The following SESN2 variants were observed in gnomAD, a reference collection of about 807,000 sequenced individuals.
SESN2 encodes the protein sestrin 2.
A neutral mutation model predicts 56.0 loss-of-function variants in SESN2; 42 were observed. That is an observed-to-expected ratio of 0.75 (90% CI 0.59 to 0.97). The LOEUF is 0.97. Among genes scored for constraint, SESN2 ranks in the 50% least tolerant of loss-of-function variants. SESN2 has a pLI of 0.00. For synonymous variants in SESN2, 264 were observed against 267.1 expected, an observed-to-expected ratio of 0.99 and a Z score of 0.11; for missense variants, 507 against 649.4, an observed-to-expected ratio of 0.78 and a Z score of 2.38.
chr1:28,270,576 CTTT>C (rs1050379080), intron 2 of SESN2, among the ~76,000 whole-genome samples: 1 of 145,516 alleles, frequency 6.9e-6, no homozygotes, highest in African/African-American at 2.5e-5. Context: ...AAGTGACCAC[CTTT>C]TTTTTTTTTG....
At position 28,273,362 on chromosome 1, in the gene SESN2, T is replaced by TTA. The variant is rs774976973; in HGVS notation, c.756_757insAT (p.Glu253MetfsTer10). 1 of 1,592,074 alleles carries TTA rather than the reference T, an allele frequency of 6.3e-7. No homozygotes were observed. Among genetic ancestry groups the TTA allele is most frequent in the South Asian group, 1.1e-5 (1 of 88,382 alleles). ...ACCACGGGGCCTCTCCTGCAGGGCT[T>TTA]TGAGTCTGCCCGCGACGTGGAGGCG... On this transcript the variant is annotated frameshift_variant, in exon 6 of 10. Transcript: ENST00000253063. LOFTEE classifies it high-confidence loss of function.
At chr1:28,264,318 CAAAGAAAA>C (rs1010159615) in intron 1 of SESN2, among the ~76,000 whole-genome samples, 2 of 150,314 alleles carry the variant, frequency 1.3e-5, no homozygotes, top group African/African-American at 4.9e-5. Context: ...GACTCCATCT[CAAAGAAAA>C]AAAGAAAAAA....
intron 8 of SESN2, among the ~76,000 whole-genome samples, chr1:28,277,510 C>G (rs999086895): frequency 6.6e-6 from 1 of 152,212 alleles, no homozygotes; most frequent in Non-Finnish European, 1.5e-5. Context: ...GCCACCACAC[C>G]TGGCACCTTT....
At chr1:28,276,570 CTTTTTTTTT>C (rs57474365) in intron 8 of SESN2, among the ~76,000 whole-genome samples, 4 of 94,734 alleles carry the variant, frequency 4.2e-5, no homozygotes, top group East Asian at 3.9e-4. Flanking sequence ...TTTTTCTTTC[CTTTTTTTTT>C]TTTTTTTTTT....
intron 1 of SESN2, among the ~76,000 whole-genome samples, chr1:28,268,222 G>C (rs1647627190): frequency 6.6e-6 from 1 of 152,128 alleles, no homozygotes; most frequent in African/African-American, 2.4e-5. Context: ...AGACAAGAGG[G>C]GGTGGTAGTT....
rs1222128095 is a variant in SESN2 at position 28,274,101 on chromosome 1, C to T, written c.963C>T (p.Phe321=). The T allele has an allele frequency of 2.5e-5, 40 of 1,614,020 alleles. No individual in the cohort carries two copies. The Admixed American group carries it at 6.7e-4, about 27-fold the overall frequency. The part of the protein sequence containing the change: ...DMLCFVEDPT[F]GYEDFTRRGA... ...TGTGCTTTGTGGAAGACCCTACTTT[C>T]GGATATGAGGACTTCACTCGGAGAG... The change falls in exon 7 of 10, where the codon TTC becomes TTT. Residue 321 remains phenylalanine (F), a synonymous_variant. Coordinates refer to ENST00000253063, the MANE Select transcript of SESN2 (RefSeq NM_031459.5).
rs1647869790 is a variant in SESN2, at chr1:28,273,495, G to A, written c.888G>A (p.Leu296=). 1.9e-6 allele frequency: 3 copies of A among 1,607,024 alleles called. No individual in the cohort carries two copies. Among genetic ancestry groups the A allele is most frequent in the African/African-American group, 1.3e-5 (1 of 74,766 alleles). ...AGCTGGAGAAGTCAGAGAGCCTGCT[G>A]GTGACCCCCTCAGGTACAGGGTCAC... ...RFELEKSESL[L]VTPSADILEP... The change falls in exon 6 of 10, where the codon CTG becomes CTA. Residue 296 remains leucine, a synonymous_variant. Transcript: ENST00000253063.
intron 8 of SESN2, among the ~76,000 whole-genome samples, chr1:28,278,255 G>C (rs1648117791): frequency 6.6e-6 from 1 of 152,094 alleles, no homozygotes; most frequent in Non-Finnish European, 1.5e-5. Context: ...TGGCCCCTGA[G>C]CTAGGCAGAG....
intron 1 of SESN2, among the ~76,000 whole-genome samples, chr1:28,261,883 C>A (rs1647385644): frequency 6.6e-6 from 1 of 150,812 alleles, no homozygotes; most frequent in East Asian, 1.9e-4. Flanking sequence ...CAGGTTCAAG[C>A]AATTCTCCTG....
chr1:28,274,521 C>T (rs1647950254), intron 7 of SESN2, among the ~76,000 whole-genome samples: 1 of 150,730 alleles, frequency 6.6e-6, no homozygotes, highest in African/African-American at 2.5e-5. Context: ...ACAGCAAGAT[C>T]CTGTCTCAAA....
At chr1:28,260,029 G>A (rs1261926677) in intron 1 of SESN2, 92 bp downstream of exon 1, 2 of 959,052 alleles carry the variant, frequency 2.1e-6, no homozygotes, top group Non-Finnish European at 2.9e-6. Context: ...TGTGTCCTGG[G>A]CTCGGGGAGG....
At position 28,272,583 on chromosome 1, in the gene SESN2, C is replaced by G; in HGVS notation, c.540C>G (p.Ala180=). 1 of 1,614,058 alleles carries G rather than the reference C, an allele frequency of 6.2e-7. No individual in the cohort carries two copies. Among genetic ancestry groups the G allele is most frequent in the Non-Finnish European group, 8.5e-7 (1 of 1,179,954 alleles). ...ACCTCCCCCCTTGTCCCTTCCAGGC[C>G]TTGCTGAAGACCGGCGAGCACACTT... ...PWLITKEHIQ[A]LLKTGEHTWS... The change falls in exon 5 of 10, where the codon GCC becomes GCG. Residue 180 remains alanine, a splice_region_variant and synonymous_variant. Transcript: ENST00000253063.
rs1164121070 is a variant in SESN2 at position 28,272,572 on chromosome 1, C to T, written c.538-9C>T. On this transcript the variant is annotated splice_polypyrimidine_tract_variant and intron_variant, in intron 4 of 9. Coordinates refer to ENST00000253063, the MANE Select transcript of SESN2 (RefSeq NM_031459.5). ...GAGCAGCTCTGACCTCCCCCCTTGT[C>T]CCTTCCAGGCCTTGCTGAAGACCGG... 9 of 1,613,694 alleles carry T rather than the reference C, an allele frequency of 5.6e-6. No individual in the cohort carries two copies. The highest frequency in any genetic ancestry group is 7.6e-6 in the Non-Finnish European group (9 of 1,179,752).
At chr1:28,277,820 C>T (rs1386729005) in intron 8 of SESN2, among the ~76,000 whole-genome samples, 1 of 152,174 alleles carries the variant, frequency 6.6e-6, no homozygotes. Context: ...ATGAACCATC[C>T]TCTTACTCTA....
chr1:28,267,290 C>A (rs1274093416), intron 1 of SESN2, among the ~76,000 whole-genome samples: 2 of 152,192 alleles, frequency 1.3e-5, no homozygotes, highest in Non-Finnish European at 2.9e-5. Context: ...GCACGGTCAG[C>A]TCAACTCCCT....
In SESN2 at chr1:28,278,598, G is replaced by A. The variant is rs547366736; in HGVS notation, c.1212-499G>A. On this transcript the variant is annotated intron_variant, in intron 8 of 9. Transcript: ENST00000253063. ...AAAACAAAAACATACTGAAATTAAT[G>A]TAAAAAAATGTGAGCTAAGCTTTCT... 6.8e-4 allele frequency among the ~76,000 whole-genome samples: 104 copies of A among 152,234 alleles called. 1 individual carries two copies. Among genetic ancestry groups the A allele is most frequent in the Admixed American group, 2.7e-3 (41 of 15,272 alleles).
chr1:28,275,991 A>G (rs534469053), intron 8 of SESN2, among the ~76,000 whole-genome samples: 1 of 152,004 alleles, frequency 6.6e-6, no homozygotes, highest in Non-Finnish European at 1.5e-5. Context: ...ATGAAAAATA[A>G]CAAAAATTAG....
intron 2 of SESN2, among the ~76,000 whole-genome samples, chr1:28,270,986 A>C (rs544833334): frequency 7.7e-4 from 118 of 152,316 alleles, no homozygotes; most frequent in Admixed American, 7.0e-3. Flanking sequence ...GTTCGAGACC[A>C]GCCTGGACAA....
In SESN2 at chr1:28,273,966, T is replaced by C. The variant is rs946670255; in HGVS notation, c.902-74T>C. ...TCTATTCTGCCTTCCCCTCCCCCTT[T>C]TGGTGATTAATCAGGAATGGACCCC... On this transcript the variant is annotated intron_variant, in intron 6 of 9. Coordinates refer to ENST00000253063, the MANE Select transcript of SESN2 (RefSeq NM_031459.5). 8.1e-6 allele frequency: 8 copies of C among 984,054 alleles called. No homozygotes were observed. In the African/African-American group the frequency reaches 1.3e-4, roughly 16 times the overall value. The allele number at this position is 984,054 out of a possible 1,614,324, so 61.0% of individuals were successfully genotyped here.
Sources: gnomAD v4.1 joint callset for allele counts (sites outside exome capture counted in the v4.1 genomes callset) on GRCh38, gnomAD v4.1.1 for gene constraint, MANE v1.5 for transcripts, NCBI Gene and HGNC (gene_info 2026-07-23, HGNC 2026-07-21) for gene names.